MED13L: variants seen among roughly 807,000 people sequenced by gnomAD.
MED13L encodes the protein mediator of RNA polymerase II transcription subunit 13-like.
In MED13L, 7 loss-of-function variants were observed where a neutral mutation model predicts 220.9. The ratio of observed to expected loss-of-function variants is 0.03; its 90% CI spans 0.02 to 0.06. The LOEUF (loss-of-function observed/expected upper bound fraction) is 0.06. Among genes scored for constraint, MED13L ranks in the 10% least tolerant of loss-of-function variants. The pLI, the probability that MED13L is intolerant of heterozygous loss-of-function variation, is 1.00. For missense variants in MED13L, 1,965 were observed against 2,760.5 expected (o/e 0.71, Z 6.46); for synonymous variants, 1,011 against 1,015.2 (o/e 1.00, Z 0.08).
At chr12:116,054,117 C>T (rs1171814335) in intron 4 of MED13L, among the ~76,000 whole-genome samples, 4 of 152,064 alleles carry the variant, frequency 2.6e-5, no homozygotes, top group African/African-American at 9.7e-5. Flanking sequence ...CTCTGCTCCA[C>T]GTCAACACAA....
chr12:116,205,802 C>T (rs545388116), intron 2 of MED13L, among the ~76,000 whole-genome samples: 53 of 152,084 alleles, frequency 3.5e-4, no homozygotes, highest in African/African-American at 1.1e-3. Flanking sequence ...TAACACTTCC[C>T]GCTCTGAGGA....
chr12:116,005,244 T>C (rs1435788606), intron 13 of MED13L, among the ~76,000 whole-genome samples: 1 of 152,204 alleles, frequency 6.6e-6, no homozygotes, highest in African/African-American at 2.4e-5. Flanking sequence ...GCACTTGTAT[T>C]TGCCCAAAGG....
chr12:116,136,455 TGAGA>T (rs978162003), intron 2 of MED13L, among the ~76,000 whole-genome samples: 5 of 152,050 alleles, frequency 3.3e-5, no homozygotes, highest in Admixed American at 6.6e-5. Flanking sequence ...TGTGTGTGTA[TGAGA>T]GAGAGGGAGA....
intron 4 of MED13L, among the ~76,000 whole-genome samples, chr12:116,051,365 TAC>T (rs898233662): frequency 4.6e-5 from 7 of 152,104 alleles, no homozygotes; most frequent in Admixed American, 1.3e-4. Context: ...AAACTAGAAA[TAC>T]AGTTTTATTC....
intron 2 of MED13L, among the ~76,000 whole-genome samples, chr12:116,169,479 T>C (rs1195355134): frequency 6.6e-6 from 1 of 152,238 alleles, no homozygotes; most frequent in Non-Finnish European, 1.5e-5. Flanking sequence ...AAATCTCTTT[T>C]ACATCTGCCT....
At chr12:116,198,391 G>A (rs1183703981) in intron 2 of MED13L, among the ~76,000 whole-genome samples, 1 of 151,978 alleles carries the variant, frequency 6.6e-6, no homozygotes, top group Admixed American at 6.6e-5. Flanking sequence ...TTCCTGCTTA[G>A]AGTACCTTTT....
intron 2 of MED13L, among the ~76,000 whole-genome samples, chr12:116,172,223 T>C (rs1294182222): frequency 1.3e-5 from 2 of 152,132 alleles, no homozygotes; most frequent in Non-Finnish European, 2.9e-5. Flanking sequence ...TTCTAATCAA[T>C]GACTCTAAAA....
In MED13L at chr12:116,238,963, C is replaced by T. The variant is rs540207519; in HGVS notation, c.73-1258G>A. 1.2e-3 allele frequency among the ~76,000 whole-genome samples: 184 copies of T among 152,104 alleles called. 1 individual carries two copies. The highest frequency in any genetic ancestry group is 4.3e-3 in the African/African-American group (177 of 41,504). On this transcript the variant is annotated intron_variant, in intron 1 of 30. Coordinates refer to ENST00000281928, the MANE Select transcript of MED13L (RefSeq NM_015335.5). ...TACCAAAATTAGCCGGGCGTGGTGG[C>T]GTGTGCCTGTAATCTCAGCTACTCA...
At chr12:116,217,293 A>G (rs1883060602) in intron 2 of MED13L, among the ~76,000 whole-genome samples, 1 of 152,240 alleles carries the variant, frequency 6.6e-6, no homozygotes, top group African/African-American at 2.4e-5. Flanking sequence ...ATAAGCAGCT[A>G]TCTGGTGGTA....
chr12:116,116,388 A>G (rs896509624), intron 2 of MED13L, among the ~76,000 whole-genome samples: 3 of 152,212 alleles, frequency 2.0e-5, no homozygotes, highest in Non-Finnish European at 4.4e-5. Context: ...GAGCTTCAAA[A>G]TAACTGGACA....
At chr12:116,009,169 TAAGAA>T in intron 9 of MED13L, 37 bp from the exon 10 acceptor site, 3 of 1,611,478 alleles carry the variant, frequency 1.9e-6, no homozygotes, top group Non-Finnish European at 2.5e-6. Flanking sequence ...ATTATAACAT[TAAGAA>T]AAGAGATTCT....
chr12:116,151,654 T>G (rs368356542), intron 2 of MED13L, among the ~76,000 whole-genome samples: 2 of 152,292 alleles, frequency 1.3e-5, no homozygotes, highest in Non-Finnish European at 1.5e-5. Context: ...AAAATCAAAA[T>G]TAGCCATAAT....
chr12:115,997,468 C>G (rs764132642), intron 14 of MED13L, among the ~76,000 whole-genome samples: 1 of 152,206 alleles, frequency 6.6e-6, no homozygotes, highest in African/African-American at 2.4e-5. Flanking sequence ...ATCACCCAGG[C>G]TGGAGTGCAG....
chr12:116,059,913 T>C (rs1426492289), intron 4 of MED13L, among the ~76,000 whole-genome samples: 1 of 152,168 alleles, frequency 6.6e-6, no homozygotes, highest in Non-Finnish European at 1.5e-5. Context: ...ATGTATACAC[T>C]ATTACTTTTT....
At chr12:116,231,969 TA>T (rs1565940479) in intron 2 of MED13L, 6 of 458,744 alleles carry the variant, frequency 1.3e-5, no homozygotes, top group Non-Finnish European at 1.7e-5. Context: ...ATTACAAAAC[TA>T]AAAAAATCCA....
chr12:116,161,126 A>T (rs531204185), intron 2 of MED13L, among the ~76,000 whole-genome samples: 1 of 151,842 alleles, frequency 6.6e-6, no homozygotes, highest in Non-Finnish European at 1.5e-5. Context: ...TAACTAACCC[A>T]CTCCCAAATA....
In MED13L at chr12:115,961,602, C is replaced by T. The variant is rs1005856794; in HGVS notation, c.6501-204G>A. On this transcript the variant is annotated intron_variant, in intron 30 of 30. Transcript: ENST00000281928. The stretch of plus-strand genomic sequence containing the variant: ...TCCAGTACAGTAGCCAGCAGCCACA[C>T]ATGGCCATTGAGCTCCGCCAGTGAG... 7 of 704,204 alleles carry T rather than the reference C, an allele frequency of 9.9e-6. No homozygotes were observed. In the Admixed American group the frequency reaches 1.2e-4, roughly 12 times the overall value. 43.6% of individuals were successfully genotyped at this position (704,204 alleles called of 1,614,324 possible).
At chr12:116,261,508 A>AAC (rs971104727) in intron 1 of MED13L, among the ~76,000 whole-genome samples, 6 of 151,926 alleles carry the variant, frequency 3.9e-5, no homozygotes, top group African/African-American at 1.5e-4. Context: ...AAAAAAAAAA[A>AAC]AAACTCTGGA....
At chr12:116,035,505 T>C (rs1284518925) in intron 4 of MED13L, among the ~76,000 whole-genome samples, 2 of 152,238 alleles carry the variant, frequency 1.3e-5, no homozygotes, top group South Asian at 2.1e-4. Context: ...ATAACTCACT[T>C]AAGCTATATA....
Sources: allele counts gnomAD v4.1 joint callset (sites outside exome capture counted in the v4.1 genomes callset), GRCh38; gene constraint gnomAD v4.1.1; transcripts MANE v1.5; gene names NCBI Gene and HGNC (gene_info 2026-07-23, HGNC 2026-07-21).